DST: variants seen among roughly 807,000 people sequenced by gnomAD.
DST encodes the protein bullous pemphigoid antigen.
In DST, 253 loss-of-function variants were observed where a neutral mutation model predicts 875.2. That is an observed-to-expected ratio of 0.29 (90% CI 0.26 to 0.32). The LOEUF is 0.32. Ranked by LOEUF, DST falls within the 10% of genes least tolerant of loss-of-function variation. The pLI is 1.00. For synonymous variants in DST, 3,124 were observed against 3,197.1 expected (o/e 0.98, Z 0.77); for missense variants, 8,287 against 9,111.6 (o/e 0.91, Z 3.68).
chr6:56,926,579 A>G (rs1271693392), intron 2 of DST, among the ~76,000 whole-genome samples: 1 of 152,224 alleles, frequency 6.6e-6, no homozygotes, highest in Non-Finnish European at 1.5e-5. Flanking sequence ...CTGGTCAGAG[A>G]GAGGAGGATG....
chr6:56,891,582 A>C (rs981058251), intron 3 of DST, among the ~76,000 whole-genome samples: 2 of 146,060 alleles, frequency 1.4e-5, no homozygotes, highest in Admixed American at 6.9e-5. Flanking sequence ...AAAAAAAAAA[A>C]AAAAAATTAG....
In DST at chr6:56,579,085, G is replaced by A. The variant is rs2097918028; in HGVS notation, c.12904-148C>T. 22 of 654,416 alleles carry A rather than the reference G, an allele frequency of 3.4e-5. No homozygotes were observed. In the South Asian group the frequency reaches 4.4e-4, roughly 13 times the overall value. The allele number at this position is 654,416 out of a possible 1,614,324, so 40.5% of individuals were successfully genotyped here. On this transcript the variant is annotated intron_variant, in intron 49 of 103. Transcript: ENST00000680361. ...ACTTTCATCATCAACTTACTCCAGAGTTCTTCGAATAAGGCCAGTTATAAA... is the reference window on the plus strand; with the variant it reads ...ACTTTCATCATCAACTTACTCCAGAATTCTTCGAATAAGGCCAGTTATAAA...
At chr6:56,859,906 C>CAG (rs2127591056) in intron 3 of DST, among the ~76,000 whole-genome samples, 1 of 152,280 alleles carries the variant, frequency 6.6e-6, no homozygotes, top group Non-Finnish European at 1.5e-5. Flanking sequence ...CGAGCCTCCG[C>CAG]AGTCCCTTCA....
chr6:56,830,524 T>G (rs2099785736), intron 4 of DST, among the ~76,000 whole-genome samples: 8 of 152,204 alleles, frequency 5.3e-5, no homozygotes, highest in Admixed American at 5.2e-4. Context: ...ACTTACATGG[T>G]TCCTCCTTTG....
chr6:56,585,132 T>C (rs2098119862), intron 49 of DST, among the ~76,000 whole-genome samples: 1 of 152,250 alleles, frequency 6.6e-6, no homozygotes, highest in African/African-American at 2.4e-5. Context: ...GAGGATTCCC[T>C]CTTTTTCTAT....
intron 55 of DST, among the ~76,000 whole-genome samples, chr6:56,565,835 T>C (rs931841900): frequency 2.6e-5 from 4 of 152,166 alleles, no homozygotes; most frequent in African/African-American, 9.6e-5. Flanking sequence ...CCCAGGGAGA[T>C]GGGGGTTTTA....
At chr6:56,618,967 A>G (rs752824399) in intron 36 of DST, 1 of 1,614,204 alleles carries the variant, frequency 6.2e-7, no homozygotes, top group African/African-American at 1.3e-5. Flanking sequence ...CTTTGGAAGC[A>G]TTCAGTTCCG....
chr6:56,928,012 ACTGCTCAG>A (rs1170890436), intron 2 of DST, among the ~76,000 whole-genome samples: 1 of 152,154 alleles, frequency 6.6e-6, no homozygotes, highest in African/African-American at 2.4e-5. Flanking sequence ...AGAAGGGGGC[ACTGCTCAG>A]CTGCTCAGCT....
intron 4 of DST, among the ~76,000 whole-genome samples, chr6:56,774,906 C>T (rs1335842211): frequency 6.7e-6 from 1 of 150,366 alleles, no homozygotes; most frequent in Non-Finnish European, 1.5e-5. Flanking sequence ...GCAGGAGAAT[C>T]GCTGGAACCC....
rs1449937505 is a variant in DST at position 56,573,828 on chromosome 6, G to A, written c.13087C>T (p.Leu4363Phe). Residue 4363 changes from leucine to phenylalanine, a missense_variant, in exon 51 of 104, where the codon CTC (leucine) becomes TTC (phenylalanine). Physicochemically the swap from Leu to Phe is conservative, Grantham distance 22. Around this residue, in one of 10 missense-constraint regions of DST, gnomAD observed 1,513 missense variants for 1,677.8 expected, o/e 0.90. Transcript: ENST00000680361. ...AGTGAACGGGTCAAGGTTATCTGGAGTTTTTCATTTCGTTCATTAACAGAC... is the reference window on the plus strand; with the variant it reads ...AGTGAACGGGTCAAGGTTATCTGGAATTTTTCATTTCGTTCATTAACAGAC... Reference protein sequence around the residue: ...SKSVNERNEKLQITLTRSLSV... With the variant: ...SKSVNERNEKFQITLTRSLSV... 2.2e-5 allele frequency: 35 copies of A among 1,613,476 alleles called. No homozygotes were observed. The highest frequency in any genetic ancestry group is 2.7e-5 in the Non-Finnish European group (32 of 1,179,660).
At position 56,459,088 on chromosome 6, in the gene DST, G is replaced by T. The variant is rs1418307461; in HGVS notation, c.23374C>A (p.Pro7792Thr). ...HRPTPRAGSRPSTAKPSKIPT... is the reference protein window; with the variant it reads ...HRPTPRAGSRTSTAKPSKIPT... ...ATTTTTGAAGGCTTCGCTGTGGATG[G>T]CCGAGAACCTGCTCGGGGTGTAGGT... The change falls in exon 104 of 104, where the codon CCA (proline) becomes ACA (threonine). Residue 7792 changes from proline to threonine, a missense_variant. Physicochemically the swap from Pro to Thr is conservative, Grantham distance 38. Transcript: ENST00000680361. 10 of 1,613,990 alleles carry T rather than the reference G, an allele frequency of 6.2e-6. No homozygotes were observed. The highest frequency in any genetic ancestry group is 8.5e-6 in the Non-Finnish European group (10 of 1,179,878).
chr6:56,946,688 G>A (rs1449250721), intron 2 of DST, among the ~76,000 whole-genome samples: 1 of 152,180 alleles, frequency 6.6e-6, no homozygotes, highest in Non-Finnish European at 1.5e-5. Context: ...TAGTTCGTAG[G>A]TGCAATAAGT....
intron 9 of DST, among the ~76,000 whole-genome samples, chr6:56,683,524 G>A (rs2099166572): frequency 6.6e-6 from 1 of 152,134 alleles, no homozygotes; most frequent in Non-Finnish European, 1.5e-5. Flanking sequence ...ACGGTAGTTT[G>A]TTCAAGCTAC....
At position 56,614,425 on chromosome 6, in the gene DST, C is replaced by T. The variant is rs2098592158; in HGVS notation, c.4989G>A (p.Trp1663Ter). ...TCAATGTCTTGCTGATATTTGATAC[C>T]CATTTTTGCAATTCTTTGGCTTTTT... ...HVEKAKELQKWVSNISKTLKD... is the reference protein window; with the variant it reads ...HVEKAKELQK Residue 1663 changes from tryptophan to a stop codon, truncating the protein, a stop_gained, in exon 37 of 104, where the codon TGG (tryptophan) becomes TGA (stop). Coordinates refer to ENST00000680361, the MANE Select transcript of DST (RefSeq NM_001374736.1). LOFTEE classifies it high-confidence loss of function. The T allele has an allele frequency of 6.2e-7, 1 of 1,610,196 alleles. No individual in the cohort carries two copies. The highest frequency in any genetic ancestry group is 1.3e-5 in the African/African-American group (1 of 74,748).
At chr6:56,468,166 A>C in intron 98 of DST, among the ~76,000 whole-genome samples, 1 of 72,840 alleles carries the variant, frequency 1.4e-5, no homozygotes, top group South Asian at 4.4e-4. Context: ...AAGTAAAATA[A>C]AATAAAATAA....
intron 86 of DST, among the ~76,000 whole-genome samples, chr6:56,488,965 C>T (rs1380370593): frequency 1.3e-5 from 2 of 152,130 alleles, no homozygotes; most frequent in Non-Finnish European, 2.9e-5. Context: ...ATAAACATGT[C>T]TTTGGGTACC....
rs150508602 is a variant in DST at position 56,940,298 on chromosome 6, T to C, written c.216+13487A>G. Among the ~76,000 whole-genome samples, 107 of 151,614 alleles carry C rather than the reference T, an allele frequency of 7.1e-4. No individual in the cohort carries two copies. In the East Asian group the frequency reaches 0.016, roughly 23 times the overall value. On this transcript the variant is annotated intron_variant, in intron 2 of 103. Coordinates refer to ENST00000680361, the MANE Select transcript of DST (RefSeq NM_001374736.1). Reference sequence around the variant, plus strand: ...ATATTTTTATGGATATATATAAAAATATGTACATATATATTTCTTAACCAA... The same window carrying C: ...ATATTTTTATGGATATATATAAAAACATGTACATATATATTTCTTAACCAA...
intron 87 of DST, among the ~76,000 whole-genome samples, chr6:56,486,362 CAAAAAAAAAAAA>C (rs61164880): frequency 1.2e-4 from 4 of 34,042 alleles, no homozygotes; most frequent in Non-Finnish European, 1.7e-4. Context: ...GACTCCGTCT[CAAAAAAAAAAAA>C]AAAAAAAAAA....
rs923663611 is a variant in DST, at chr6:56,530,131, T to G, written c.17111A>C (p.Asn5704Thr). The G allele has an allele frequency of 1.3e-6, 2 of 1,584,890 alleles. No individual in the cohort carries two copies. The highest frequency in any genetic ancestry group is 1.4e-5 in the African/African-American group (1 of 73,484). ...EALLNKAETR[N>T]RQLEGISVVA... The stretch of plus-strand genomic sequence containing the variant: ...CACCGAGATACCTTCCAACTGACGA[T>G]TCCTACAAATGTGCCAAAAGGTCAT... Residue 5704 changes from asparagine to threonine, a missense_variant and splice_region_variant, in exon 65 of 104, where the codon AAT (asparagine) becomes ACT (threonine). Coordinates refer to ENST00000680361, the MANE Select transcript of DST (RefSeq NM_001374736.1).
Sources: allele counts gnomAD v4.1 joint callset (sites outside exome capture counted in the v4.1 genomes callset), GRCh38; gene constraint gnomAD v4.1.1; regional missense constraint gnomAD v4.1.1; transcripts MANE v1.5; gene names NCBI Gene and HGNC (gene_info 2026-07-23, HGNC 2026-07-21).